Variants in EEPD1 observed in about 807,000 individuals in gnomAD.
EEPD1 encodes the protein endonuclease/exonuclease/phosphatase family domain-containing protein 1.
EEPD1 carries 17 observed loss-of-function variants against 46.3 expected under a neutral mutation model. The ratio of observed to expected loss-of-function variants is 0.37; its 90% CI spans 0.25 to 0.55. EEPD1 has a LOEUF of 0.55. Among genes scored for constraint, EEPD1 ranks in the 20% least tolerant of loss-of-function variants. EEPD1 has a pLI of 0.83. For missense variants in EEPD1, 673 were observed against 745.6 expected (o/e 0.90, Z 1.13); for synonymous variants, 313 against 315.6 (o/e 0.99, Z 0.09).
chr7:36,250,551 T>C (rs1307934903), intron 3 of EEPD1, among the ~76,000 whole-genome samples: 5 of 152,262 alleles, frequency 3.3e-5, no homozygotes, highest in African/African-American at 9.6e-5. Context: ...ATTCAACTTA[T>C]TGTCTGTGGC....
intron 2 of EEPD1, among the ~76,000 whole-genome samples, chr7:36,203,175 G>A (rs1248041955): frequency 6.6e-6 from 1 of 152,190 alleles, no homozygotes; most frequent in East Asian, 1.9e-4. Flanking sequence ...GCTCATGACA[G>A]TGCTGCTCCT....
chr7:36,240,203 A>G (rs1402587101), intron 3 of EEPD1, among the ~76,000 whole-genome samples: 1 of 152,200 alleles, frequency 6.6e-6, no homozygotes, highest in Non-Finnish European at 1.5e-5. Context: ...CAGGAGGCTG[A>G]GGCTACAGTG....
At position 36,293,706 on chromosome 7, in the gene EEPD1, G is replaced by A. The variant is rs151008080; in HGVS notation, c.1316-3287G>A. On this transcript the variant is annotated intron_variant, in intron 6 of 7. Coordinates refer to ENST00000242108, the MANE Select transcript of EEPD1 (RefSeq NM_030636.3). Reference sequence around the variant, plus strand: ...TAGCCGGGCGCCATGGCTCATGCCCGTAACCCCAGCACTTTGGGAGGCCAA... The same window carrying A: ...TAGCCGGGCGCCATGGCTCATGCCCATAACCCCAGCACTTTGGGAGGCCAA... Among the ~76,000 whole-genome samples the A allele has an allele frequency of 2.4e-3, 371 of 152,260 alleles. 2 individuals carry two copies. The highest frequency in any genetic ancestry group is 8.3e-3 in the East Asian group (43 of 5,180).
At chr7:36,176,465 C>G (rs939473163) in intron 2 of EEPD1, among the ~76,000 whole-genome samples, 2 of 152,172 alleles carry the variant, frequency 1.3e-5, no homozygotes, top group Admixed American at 6.5e-5. Context: ...TCCCATGTAA[C>G]GGATGTCGGA....
rs896781761 is a variant in EEPD1 at position 36,193,912 on chromosome 7, A to C, written c.878+38710A>C. Among the ~76,000 whole-genome samples, 6 of 152,186 alleles carry C rather than the reference A, an allele frequency of 3.9e-5. No homozygotes were observed. Among genetic ancestry groups the C allele is most frequent in the African/African-American group, 1.2e-4 (5 of 41,432 alleles). Reference sequence around the variant, plus strand: ...ATTAGGCTGTGGACATAATGTGAGCATCTTGAGAGTTCAGGAGCCTCTTAT... The same window carrying C: ...ATTAGGCTGTGGACATAATGTGAGCCTCTTGAGAGTTCAGGAGCCTCTTAT... On this transcript the variant is annotated intron_variant, in intron 2 of 7. Transcript: ENST00000242108. The surrounding 1 kb of genome is among the most constrained non-coding windows in gnomAD (Gnocchi z 4.9).
intron 4 of EEPD1, among the ~76,000 whole-genome samples, chr7:36,282,913 T>C (rs187417260): frequency 1.3e-5 from 2 of 152,324 alleles, no homozygotes; most frequent in Non-Finnish European, 2.9e-5. Flanking sequence ...CCAAAAAAAT[T>C]TAAACACTAT....
At chr7:36,200,881 C>G (rs1257213029) in intron 2 of EEPD1, among the ~76,000 whole-genome samples, 1 of 152,194 alleles carries the variant, frequency 6.6e-6, no homozygotes, top group African/African-American at 2.4e-5. Context: ...AAGTTTCTTT[C>G]TGCAAGATGC....
rs557370699 is a variant in EEPD1 at position 36,281,122 on chromosome 7, C to T, written c.938C>T (p.Thr313Met). ...LDREALEKFCTELNQPTLPNI... is the reference protein window; with the variant it reads ...LDREALEKFCMELNQPTLPNI... ...TGTGCTCTGTCTTTGCAGTTCTGCACGGAGCTAAACCAGCCGACCCTGCCC... is the reference window on the plus strand; with the variant it reads ...TGTGCTCTGTCTTTGCAGTTCTGCATGGAGCTAAACCAGCCGACCCTGCCC... The change falls in exon 4 of 8, where the codon ACG becomes ATG. Residue 313 changes from threonine (T) to methionine (M), a missense_variant. By Grantham distance (81) the Thr-to-Met change is moderately conservative. Coordinates refer to ENST00000242108, the MANE Select transcript of EEPD1 (RefSeq NM_030636.3). 11 of 1,614,034 alleles carry T rather than the reference C, an allele frequency of 6.8e-6. No individual in the cohort carries two copies. The East Asian group carries it at 8.9e-5, about 13-fold the overall frequency.
chr7:36,245,719 C>A (rs1583830964), intron 3 of EEPD1, among the ~76,000 whole-genome samples: 1 of 152,372 alleles, frequency 6.6e-6, no homozygotes, highest in East Asian at 1.9e-4. Flanking sequence ...GAACCATGAG[C>A]AGATGATCTA....
At chr7:36,249,741 TG>T (rs1786704054) in intron 3 of EEPD1, among the ~76,000 whole-genome samples, 1 of 152,228 alleles carries the variant, frequency 6.6e-6, no homozygotes, top group Non-Finnish European at 1.5e-5. Context: ...TATTCAAGGC[TG>T]GAACATGCCT....
intron 2 of EEPD1, among the ~76,000 whole-genome samples, chr7:36,205,356 C>T (rs1003948501): frequency 6.6e-6 from 1 of 152,180 alleles, no homozygotes; most frequent in African/African-American, 2.4e-5. Flanking sequence ...AATAGACAAA[C>T]AATGTAAGGA....
intron 2 of EEPD1, among the ~76,000 whole-genome samples, chr7:36,177,111 T>C (rs1392672186): frequency 6.6e-6 from 1 of 152,226 alleles, no homozygotes; most frequent in African/African-American, 2.4e-5. Flanking sequence ...GATGGTTGCA[T>C]AACTATAACT....
At chr7:36,172,222 ATC>A (rs1785097205) in intron 2 of EEPD1, among the ~76,000 whole-genome samples, 1 of 152,044 alleles carries the variant, frequency 6.6e-6, no homozygotes, top group African/African-American at 2.4e-5. Context: ...GGAAAGTAGA[ATC>A]TCTCTTCTGC....
chr7:36,277,790 TAAC>T (rs1289534687), intron 3 of EEPD1, among the ~76,000 whole-genome samples: 4 of 152,118 alleles, frequency 2.6e-5, no homozygotes, highest in Non-Finnish European at 5.9e-5. Flanking sequence ...CTATCCCTAA[TAAC>T]GTAAATACTG....
intron 3 of EEPD1, among the ~76,000 whole-genome samples, chr7:36,274,147 G>A (rs557237461): frequency 1.3e-5 from 2 of 152,344 alleles, no homozygotes; most frequent in Admixed American, 6.5e-5. Context: ...GGCTCTGCAG[G>A]AACCCACCTC....
At chr7:36,287,954 A>G (rs1482317229) in intron 6 of EEPD1, among the ~76,000 whole-genome samples, 177 bp downstream of exon 6, 1 of 152,204 alleles carries the variant, frequency 6.6e-6, no homozygotes, top group African/African-American at 2.4e-5. Flanking sequence ...GCACGGCCAC[A>G]TCTGTGCCTC....
intron 5 of EEPD1, among the ~76,000 whole-genome samples, chr7:36,285,624 T>C (rs1376236307): frequency 6.6e-6 from 1 of 152,176 alleles, no homozygotes; most frequent in African/African-American, 2.4e-5. Flanking sequence ...ATCCCCGTGG[T>C]CCTTGACCAT....
intron 3 of EEPD1, among the ~76,000 whole-genome samples, chr7:36,240,407 AC>A (rs1375256503): frequency 6.6e-6 from 1 of 152,164 alleles, no homozygotes; most frequent in East Asian, 1.9e-4. Flanking sequence ...TGTCCCCTCA[AC>A]CTCATTTCTA....
At chr7:36,223,003 T>C (rs12532979) in intron 2 of EEPD1, among the ~76,000 whole-genome samples, 83,920 of 151,556 alleles carry the variant, frequency 0.55, 23,738 homozygotes, top group Admixed American at 0.61. Flanking sequence ...ATACAAAAAT[T>C]AGGCAGGCGT....
Sources: gnomAD v4.1 joint callset for allele counts (sites outside exome capture counted in the v4.1 genomes callset) on GRCh38, gnomAD v4.1.1 for gene constraint, Gnocchi (gnomAD v3.1) non-coding constraint, MANE v1.5 for transcripts, NCBI Gene and HGNC (gene_info 2026-07-23, HGNC 2026-07-21) for gene names.